The following HIP1 variants were observed in gnomAD, a reference collection of about 807,000 sequenced individuals.
HIP1 encodes huntingtin interacting protein 1.
In HIP1, 65 loss-of-function variants were observed where a neutral mutation model predicts 147.6. The ratio of observed to expected loss-of-function variants is 0.44; its 90% CI spans 0.36 to 0.54. The LOEUF (loss-of-function observed/expected upper bound fraction) is 0.54, where lower values mean the gene tolerates loss of function less well. Among genes scored for constraint, HIP1 ranks in the 20% least tolerant of loss-of-function variants. The pLI is 0.00. For missense variants in HIP1, 1,061 were observed against 1,299.6 expected (o/e 0.82, Z 2.82); for synonymous variants, 479 against 504.0 (o/e 0.95, Z 0.67).
intron 1 of HIP1, among the ~76,000 whole-genome samples, chr7:75,680,067 G>T (rs1375887497): frequency 3.3e-5 from 5 of 152,156 alleles, no homozygotes; most frequent in East Asian, 1.9e-4. Context: ...CATTGAGACA[G>T]AGTCTCACTG....
chr7:75,573,212 A>G (rs998243871), intron 8 of HIP1, among the ~76,000 whole-genome samples: 27 of 152,238 alleles, frequency 1.8e-4, no homozygotes, highest in African/African-American at 6.5e-4. Flanking sequence ...CCAGCTACAG[A>G]GAGGAGCTAC....
intron 22 of HIP1, among the ~76,000 whole-genome samples, chr7:75,552,834 A>C (rs1380873393): frequency 1.3e-5 from 2 of 151,724 alleles, no homozygotes; most frequent in Non-Finnish European, 2.9e-5. Context: ...ATATAGCTGG[A>C]AAGTCCTTCA....
chr7:75,676,176 AC>A (rs1554515968), intron 1 of HIP1, among the ~76,000 whole-genome samples: 1 of 152,152 alleles, frequency 6.6e-6, no homozygotes, highest in East Asian at 1.9e-4. Flanking sequence ...TCTGTATTCT[AC>A]ATCATGTGTG....
intron 1 of HIP1, among the ~76,000 whole-genome samples, chr7:75,672,770 A>C (rs1385972434): frequency 6.6e-6 from 1 of 152,180 alleles, no homozygotes; most frequent in Non-Finnish European, 1.5e-5. Flanking sequence ...AAAGATTTAC[A>C]CCTATGTTTC....
chr7:75,702,325 G>C (rs1281636407), intron 1 of HIP1, among the ~76,000 whole-genome samples: 1 of 152,136 alleles, frequency 6.6e-6, no homozygotes. Flanking sequence ...GGCCAGGCTG[G>C]TCTTGAACTC....
intron 1 of HIP1, among the ~76,000 whole-genome samples, chr7:75,616,584 G>GGGAGGAGGAGGAGGA (rs782489721): frequency 5.2e-4 from 76 of 146,060 alleles, no homozygotes; most frequent in East Asian, 2.0e-3. Flanking sequence ...TTTAAGGGTG[G>GGGAGGAGGAGGAGGA]GGAGGAGGAG....
intron 4 of HIP1, among the ~76,000 whole-genome samples, chr7:75,589,543 G>C (rs1554500277): frequency 6.6e-6 from 1 of 151,736 alleles, no homozygotes; most frequent in Non-Finnish European, 1.5e-5. Flanking sequence ...AATTAGCTGG[G>C]TGTGGTGGTA....
rs138393866 is a variant in HIP1 at position 75,620,024 on chromosome 7, T to C, written c.121-20777A>G. On this transcript the variant is annotated intron_variant, in intron 1 of 30. Transcript: ENST00000336926. ...AAACTCAGGGAACAACTGCTCTGAA[T>C]TGTTTTCATATTCACTCATTCATTC... Among the ~76,000 whole-genome samples the C allele has an allele frequency of 4.4e-3, 677 of 152,322 alleles. 4 individuals carry two copies. The highest frequency in any genetic ancestry group is 0.016 in the African/African-American group (660 of 41,580).
At chr7:75,667,165 T>G (rs1799589011) in intron 1 of HIP1, among the ~76,000 whole-genome samples, 1 of 152,058 alleles carries the variant, frequency 6.6e-6, no homozygotes, top group African/African-American at 2.4e-5. Context: ...AAATAGCCAC[T>G]GGGATGGGCA....
intron 1 of HIP1, chr7:75,611,589 T>TCCCGC: frequency 1.3e-6 from 1 of 785,586 alleles, no homozygotes; most frequent in Non-Finnish European, 1.6e-6. Flanking sequence ...TCTGAACTGT[T>TCCCGC]CCCGCCCCGC....
At chr7:75,542,803 A>T in intron 28 of HIP1, 48 bp downstream of exon 28, 1 of 1,596,158 alleles carries the variant, frequency 6.3e-7, no homozygotes, top group Non-Finnish European at 8.6e-7. Context: ...GGATGCAGAG[A>T]AGAGCTCAAC....
intron 1 of HIP1, among the ~76,000 whole-genome samples, chr7:75,650,961 A>G: frequency 6.6e-6 from 1 of 152,118 alleles, no homozygotes; most frequent in East Asian, 1.9e-4. Flanking sequence ...GAGGGAAGAG[A>G]AAGGAAAACA....
intron 29 of HIP1, 136 bp downstream of exon 29, chr7:75,541,783 G>T: frequency 1.6e-6 from 1 of 606,170 alleles, no homozygotes; most frequent in African/African-American, 1.8e-5. Flanking sequence ...TGTTTCTTCC[G>T]GCAAGATTTA....
chr7:75,574,000 C>G, intron 7 of HIP1, 99 bp from the exon 8 acceptor site: 1 of 962,958 alleles, frequency 1.0e-6, no homozygotes, highest in South Asian at 1.6e-5. Context: ...CACCAAGGAC[C>G]GATTCTGTGC....
At chr7:75,722,153 G>T (rs190757579) in intron 1 of HIP1, among the ~76,000 whole-genome samples, 1 of 151,882 alleles carries the variant, frequency 6.6e-6, no homozygotes, top group African/African-American at 2.4e-5. Flanking sequence ...TAAGAAAAAC[G>T]TTCAAAATTA....
At chr7:75,623,682 C>T (rs782335054) in intron 1 of HIP1, among the ~76,000 whole-genome samples, 3 of 152,210 alleles carry the variant, frequency 2.0e-5, no homozygotes, top group African/African-American at 4.8e-5. Flanking sequence ...AGCCAGCCTC[C>T]GCCTCCTCTT....
chr7:75,603,435 T>C (rs993696464), intron 1 of HIP1, among the ~76,000 whole-genome samples: 2 of 151,524 alleles, frequency 1.3e-5, no homozygotes, highest in Admixed American at 1.3e-4. Context: ...AGCCACCCAA[T>C]TAGTGGGAAT....
Position 75,702,917 on chromosome 7 carries a change from C to T in HIP1, c.120+35884G>A, listed in dbSNP as rs1374402201. ...AACCTATTCATGAGGTATCTGCCCC[C>T]AAGATGCAAAATACCTCCCATTAGG... On this transcript the variant is annotated intron_variant, in intron 1 of 30. Coordinates refer to ENST00000336926, the MANE Select transcript of HIP1 (RefSeq NM_005338.7). 1.3e-5 allele frequency among the ~76,000 whole-genome samples: 2 copies of T among 152,160 alleles called. 1 individual carries two copies. Among genetic ancestry groups the T allele is most frequent in the African/African-American group, 4.8e-5 (2 of 41,440 alleles).
At position 75,535,236 on chromosome 7, in the gene HIP1, C is replaced by A; in HGVS notation, c.*2936G>T. The A allele has an allele frequency of 4.8e-6, 1 of 209,932 alleles. No homozygotes were observed. Among genetic ancestry groups the A allele is most frequent in the Non-Finnish European group, 9.7e-6 (1 of 103,352 alleles). 13.0% of individuals were successfully genotyped at this position (209,932 alleles called of 1,614,324 possible). A position where few individuals can be genotyped will look rare whatever the true frequency, so the allele number is the denominator to read the frequency against. ...TGTGGCTTCTTTTTAGAGACAGGAT[C>A]ATTCAGATAATTTTTTGTTTGTTTT... is the stretch of plus-strand genomic sequence containing the variant. On this transcript the variant is annotated 3_prime_UTR_variant, in exon 31 of 31. Transcript: ENST00000336926.
Sources: allele counts gnomAD v4.1 joint callset (sites outside exome capture counted in the v4.1 genomes callset), GRCh38; gene constraint gnomAD v4.1.1; transcripts MANE v1.5; gene names NCBI Gene and HGNC (gene_info 2026-07-23, HGNC 2026-07-21).